CDH6: variants seen among roughly 807,000 people sequenced by gnomAD.
CDH6 encodes cadherin 6, also known as cadherin-6.
In CDH6, 31 loss-of-function variants were observed where a neutral mutation model predicts 78.0. The ratio of observed to expected loss-of-function variants is 0.40; its 90% CI spans 0.30 to 0.54. The LOEUF is 0.54. Ranked by LOEUF, CDH6 falls within the 20% of genes least tolerant of loss-of-function variation. CDH6 has a pLI of 0.56. For missense variants in CDH6, 724 were observed against 975.9 expected, an observed-to-expected ratio of 0.74 and a Z score of 3.44; for synonymous variants, 376 against 368.8, an observed-to-expected ratio of 1.02 and a Z score of -0.23.
At chr5:31,291,816 C>T (rs1743171555) in intron 2 of CDH6, among the ~76,000 whole-genome samples, 1 of 152,214 alleles carries the variant, frequency 6.6e-6, no homozygotes. Flanking sequence ...TCCCATCACT[C>T]AAATCATGGG....
intron 2 of CDH6, among the ~76,000 whole-genome samples, chr5:31,276,475 G>A (rs1281890602): frequency 6.6e-6 from 1 of 152,134 alleles, no homozygotes; most frequent in Non-Finnish European, 1.5e-5. Flanking sequence ...AATATTTTAG[G>A]TGAGTTGGTG....
At chr5:31,302,903 A>AAAAGAAAAAGAAAGAAAGAAAG (rs1554010013) in intron 6 of CDH6, among the ~76,000 whole-genome samples, 3 of 90,424 alleles carry the variant, frequency 3.3e-5, no homozygotes, top group Non-Finnish European at 6.9e-5. Context: ...AAGAAAGAAA[A>AAAAGAAAAAGAAAGAAAGAAAG]AAAGAAAGAA....
rs1424358789 is a variant in CDH6 at position 31,193,884 on chromosome 5, G to A, written c.-131G>A. 6.5e-6 allele frequency: 1 copy of A among 153,428 alleles called. No individual in the cohort carries two copies. The highest frequency in any genetic ancestry group is 6.5e-5 in the Admixed American group (1 of 15,284). 9.5% of individuals were successfully genotyped at this position (153,428 alleles called of 1,614,324 possible). On this transcript the variant is annotated splice_region_variant and 5_prime_UTR_variant, in exon 1 of 12. Coordinates refer to ENST00000265071, the MANE Select transcript of CDH6 (RefSeq NM_004932.4). ...CTCCGCGGGCGCAGGAAGGCGAGCAGAGGTGGGTTCGGGCTCCGTTGGCTA... is the reference window on the plus strand; with the variant it reads ...CTCCGCGGGCGCAGGAAGGCGAGCAAAGGTGGGTTCGGGCTCCGTTGGCTA...
chr5:31,313,407 G>A lies in CDH6; in HGVS notation c.1343G>A (p.Arg448Gln), dbSNP rs367617909. 3 of 1,613,982 alleles carry A rather than the reference G, an allele frequency of 1.9e-6. No individual in the cohort carries two copies. Among genetic ancestry groups the A allele is most frequent in the Non-Finnish European group, 2.5e-6 (3 of 1,179,896 alleles). The change falls in exon 8 of 12, where the codon CGA becomes CAA. Residue 448 changes from arginine to glutamine, a missense_variant. By Grantham distance (43) the Arg-to-Gln change is conservative. Around this residue, in one of 3 missense-constraint regions of CDH6, gnomAD observed 446 missense variants for 684.5 expected, o/e 0.65. Coordinates refer to ENST00000265071, the MANE Select transcript of CDH6 (RefSeq NM_004932.4). ...ATTTTTACATCGAAACTTCTTGACC[G>A]AGAAACACTGCTATGGCACAACATT... ...GSIFTSKLLDRETLLWHNITV... is the reference protein window; with the variant it reads ...GSIFTSKLLDQETLLWHNITV...
At chr5:31,195,100 T>G (rs1464388323) in intron 1 of CDH6, among the ~76,000 whole-genome samples, 1 of 151,888 alleles carries the variant, frequency 6.6e-6, no homozygotes, top group Non-Finnish European at 1.5e-5. Flanking sequence ...AAAAAAAAAT[T>G]TAAATGATGA....
Position 31,324,444 on chromosome 5 carries a change from G to A in CDH6, c.*1136G>A, listed in dbSNP as rs74988385. ...AAACCTCTACATATTTATATAACGT[G>A]ATACATTTGGATAAACAACATTGAG... On this transcript the variant is annotated 3_prime_UTR_variant, in exon 12 of 12. Coordinates refer to ENST00000265071, the MANE Select transcript of CDH6 (RefSeq NM_004932.4). 5.9e-3 allele frequency: 1,255 copies of A among 213,704 alleles called. 22 individuals are homozygous for A. Among genetic ancestry groups the A allele is most frequent in the East Asian group, 0.047 (658 of 14,138 alleles). 13.2% of individuals were successfully genotyped at this position (213,704 alleles called of 1,614,324 possible).
intron 1 of CDH6, among the ~76,000 whole-genome samples, chr5:31,259,920 G>A (rs1032036485): frequency 4.6e-5 from 7 of 152,194 alleles, no homozygotes; most frequent in African/African-American, 2.4e-5. Context: ...GGAAGCCCTT[G>A]CACTGCTGTG....
chr5:31,318,071 G>T (rs777082532), intron 11 of CDH6, 147 bp downstream of exon 11: 4 of 959,646 alleles, frequency 4.2e-6, no homozygotes, highest in African/African-American at 3.2e-5. Flanking sequence ...TGTGCTGTAC[G>T]ATGTGAACTC....
At chr5:31,296,061 T>C (rs1228493464) in intron 3 of CDH6, among the ~76,000 whole-genome samples, 2 of 152,228 alleles carry the variant, frequency 1.3e-5, no homozygotes, top group Non-Finnish European at 2.9e-5. Context: ...ATCAGCACTA[T>C]ACATTCAGGG....
At chr5:31,314,584 C>T (rs989971748) in intron 8 of CDH6, among the ~76,000 whole-genome samples, 1 of 151,918 alleles carries the variant, frequency 6.6e-6, no homozygotes, top group Non-Finnish European at 1.5e-5. Context: ...GTGATAAGGA[C>T]AGCACATTAG....
intron 1 of CDH6, among the ~76,000 whole-genome samples, chr5:31,242,465 T>A (rs960964918): frequency 6.6e-6 from 1 of 152,156 alleles, no homozygotes; most frequent in African/African-American, 2.4e-5. Context: ...GAGAATCCCA[T>A]GGGCATGAAC....
chr5:31,257,550 C>T (rs137898535), intron 1 of CDH6, among the ~76,000 whole-genome samples: 17 of 152,356 alleles, frequency 1.1e-4, no homozygotes, highest in African/African-American at 4.1e-4. Context: ...TTCATCTATA[C>T]ATTTGCTTAT....
rs1579915120 is a variant in CDH6 at position 31,318,380 on chromosome 5, A to C, written c.1882+456A>C. 5 of 281,930 alleles carry C rather than the reference A, an allele frequency of 1.8e-5. No homozygotes were observed. The East Asian group carries it at 2.6e-4, about 14-fold the overall frequency. 17.5% of individuals were successfully genotyped at this position (281,930 alleles called of 1,614,324 possible). ...ATGACTTTTCTCTCATCCTAGAAAA[A>C]TAAAAACTATGAAATTTTTTTAACC... On this transcript the variant is annotated intron_variant, in intron 11 of 11. Coordinates refer to ENST00000265071, the MANE Select transcript of CDH6 (RefSeq NM_004932.4).
chr5:31,261,462 T>G (rs2149930266), intron 1 of CDH6, among the ~76,000 whole-genome samples: 1 of 152,150 alleles, frequency 6.6e-6, no homozygotes, highest in South Asian at 2.1e-4. Flanking sequence ...GATCTAAGTA[T>G]AGACCACATT....
At chr5:31,312,724 C>T (rs954212475) in intron 7 of CDH6, among the ~76,000 whole-genome samples, 1 of 151,850 alleles carries the variant, frequency 6.6e-6, no homozygotes, top group African/African-American at 2.4e-5. Context: ...ACAAAAAAAC[C>T]CTTGGGTAGA....
Position 31,293,971 on chromosome 5 carries a change from G to T in CDH6, c.238G>T (p.Asp80Tyr). Residue 80 changes from aspartate to tyrosine, a missense_variant, in exon 3 of 12, where the codon GAC becomes TAC. Coordinates refer to ENST00000265071, the MANE Select transcript of CDH6 (RefSeq NM_004932.4). ...TTTTTTTCTACACTAGTTACATTCA[G>T]ACCAGGATAGAGGAGATGGATCACT... ...DYQYVGKLHS[D>Y]QDRGDGSLKY... The T allele has an allele frequency of 6.3e-7, 1 of 1,594,592 alleles. No individual in the cohort carries two copies. Among genetic ancestry groups the T allele is most frequent in the South Asian group, 1.1e-5 (1 of 89,534 alleles).
intron 1 of CDH6, among the ~76,000 whole-genome samples, chr5:31,252,507 A>T (rs759854190): frequency 6.6e-6 from 1 of 152,186 alleles, no homozygotes; most frequent in Non-Finnish European, 1.5e-5. Context: ...TGAGTTTGAC[A>T]GTAGTTTATA....
chr5:31,322,019 T>C (rs528386345), intron 11 of CDH6, among the ~76,000 whole-genome samples: 39 of 152,250 alleles, frequency 2.6e-4, no homozygotes, highest in African/African-American at 9.1e-4. Flanking sequence ...TACCTCTAAT[T>C]TGAGTTAGGA....
At chr5:31,315,694 T>C (rs1447997224) in intron 8 of CDH6, among the ~76,000 whole-genome samples, 1 of 152,230 alleles carries the variant, frequency 6.6e-6, no homozygotes, top group Non-Finnish European at 1.5e-5. Context: ...AGTTTCCTCA[T>C]CTATAAAATG....
Sources: allele counts gnomAD v4.1 joint callset (sites outside exome capture counted in the v4.1 genomes callset), GRCh38; gene constraint gnomAD v4.1.1; regional missense constraint gnomAD v4.1.1; transcripts MANE v1.5; gene names NCBI Gene and HGNC (gene_info 2026-07-23, HGNC 2026-07-21).